The following LIN7A variants were observed in gnomAD, a reference collection of about 807,000 sequenced individuals.
LIN7A encodes protein lin-7 homolog A.
Under a neutral mutation model 29.8 loss-of-function variants are expected in LIN7A, and 25 were observed. The ratio of observed to expected loss-of-function variants is 0.84; its 90% CI spans 0.61 to 1.17. The LOEUF (loss-of-function observed/expected upper bound fraction) is 1.17. Among genes scored for constraint, LIN7A ranks in the 50% most tolerant of loss-of-function variants. The pLI, the probability that LIN7A is intolerant of heterozygous loss-of-function variation, is 0.00. For synonymous variants in LIN7A, 118 were observed against 107.5 expected (o/e 1.10, Z -0.60); for missense variants, 239 against 287.0 (o/e 0.83, Z 1.21).
intron 1 of LIN7A, among the ~76,000 whole-genome samples, chr12:80,911,347 C>T (rs1020678825): frequency 1.4e-5 from 2 of 144,694 alleles, no homozygotes; most frequent in Non-Finnish European, 3.0e-5. Flanking sequence ...AGCTCCTAGG[C>T]TAAAGAGATC....
Position 80,882,287 on chromosome 12 carries a change from C to CTTTTTTTTTTTTT in LIN7A, c.201+6951_201+6963dup, listed in dbSNP as rs56000415. On this transcript the variant is annotated intron_variant, in intron 2 of 5. Coordinates refer to ENST00000552864, the MANE Select transcript of LIN7A (RefSeq NM_004664.4). Reference sequence around the variant, plus strand: ...ACAGTACTATCATTTTTCTTTCATTCTTTTTTTTTTTTTTTGAGACGGAGT... The same window carrying CTTTTTTTTTTTTT: ...ACAGTACTATCATTTTTCTTTCATTCTTTTTTTTTTTTTTTTTTTTTTTTTTTTGAGACGGAGT... Among the ~76,000 whole-genome samples, 6 of 87,700 alleles carry CTTTTTTTTTTTTT rather than the reference C, an allele frequency of 6.8e-5. 1 individual carries two copies. Among genetic ancestry groups the CTTTTTTTTTTTTT allele is most frequent in the South Asian group, 3.6e-4 (1 of 2,776 alleles). 57.5% of individuals were successfully genotyped at this position (87,700 alleles called of 152,430 possible).
At chr12:80,912,719 AAAAAAAAAAAG>A (rs1360469089) in intron 1 of LIN7A, among the ~76,000 whole-genome samples, 2 of 32,932 alleles carry the variant, frequency 6.1e-5, no homozygotes, top group Non-Finnish European at 5.6e-4. Context: ...GTCTCAAAAA[AAAAAAAAAAAG>A]AAAAGAAAAG....
At chr12:80,821,957 C>T (rs984581539) in intron 4 of LIN7A, among the ~76,000 whole-genome samples, 1 of 152,196 alleles carries the variant, frequency 6.6e-6, no homozygotes, top group Non-Finnish European at 1.5e-5. Context: ...TGTGTGCACT[C>T]AGGGGAGCAC....
At chr12:80,812,044 A>T (rs978040222) in intron 4 of LIN7A, among the ~76,000 whole-genome samples, 1 of 152,150 alleles carries the variant, frequency 6.6e-6, no homozygotes. Context: ...CAAAGAGAAA[A>T]TTTCTGTATC....
chr12:80,887,915 G>A (rs1247860663), intron 2 of LIN7A, among the ~76,000 whole-genome samples: 2 of 152,052 alleles, frequency 1.3e-5, no homozygotes, highest in Non-Finnish European at 2.9e-5. Context: ...CAAATTTCGG[G>A]GGAATGGCAC....
rs753271899 is a variant in LIN7A at position 80,793,294 on chromosome 12, A to G, written c.*4433T>C. ...CACAGTGGCTAGAAAATAGAGCTGC[A>G]TAAATGTTAGTTATGAATAAATTAC... On this transcript the variant is annotated 3_prime_UTR_variant, in exon 6 of 6. Transcript: ENST00000552864. 2.6e-5 allele frequency: 4 copies of G among 152,252 alleles called. No homozygotes were observed. The highest frequency in any genetic ancestry group is 5.9e-5 in the Non-Finnish European group (4 of 68,034). The allele number at this position is 152,252 out of a possible 1,614,324, so 9.4% of individuals were successfully genotyped here.
intron 1 of LIN7A, among the ~76,000 whole-genome samples, chr12:80,927,922 T>C (rs1485298778): frequency 6.6e-6 from 1 of 152,166 alleles, no homozygotes; most frequent in African/African-American, 2.4e-5. Context: ...GTGTTCTCAT[T>C]GTTCAATTCC....
At chr12:80,847,422 G>A (rs1448522663) in intron 3 of LIN7A, among the ~76,000 whole-genome samples, 2 of 135,294 alleles carry the variant, frequency 1.5e-5, no homozygotes, top group Non-Finnish European at 3.1e-5. Context: ...CAGTTACAGA[G>A]TAAAAACTAA....
At chr12:80,862,921 T>C (rs1372780918) in intron 2 of LIN7A, among the ~76,000 whole-genome samples, 3 of 152,192 alleles carry the variant, frequency 2.0e-5, no homozygotes, top group Non-Finnish European at 4.4e-5. Flanking sequence ...ACTAACACCA[T>C]CCTGACTCAC....
chr12:80,910,691 T>C (rs1452815196), intron 1 of LIN7A, among the ~76,000 whole-genome samples: 2 of 152,220 alleles, frequency 1.3e-5, no homozygotes, highest in African/African-American at 2.4e-5. Context: ...TGTTAAACCA[T>C]ACTTATCTTC....
At chr12:80,886,769 C>T (rs543723886) in intron 2 of LIN7A, among the ~76,000 whole-genome samples, 1 of 152,062 alleles carries the variant, frequency 6.6e-6, no homozygotes, top group Non-Finnish European at 1.5e-5. Context: ...GACACACATA[C>T]CCACTTTACC....
intron 2 of LIN7A, among the ~76,000 whole-genome samples, chr12:80,864,519 C>A (rs1419925432): frequency 6.6e-6 from 1 of 152,068 alleles, no homozygotes; most frequent in Admixed American, 6.6e-5. Context: ...AAAATCCCTG[C>A]AAAGAGGAAC....
At chr12:80,801,089 T>C (rs1870698346) in intron 5 of LIN7A, among the ~76,000 whole-genome samples, 1 of 151,598 alleles carries the variant, frequency 6.6e-6, no homozygotes, top group Non-Finnish European at 1.5e-5. Context: ...TAAACATACA[T>C]ATAAACATAC....
At chr12:80,934,789 C>G (rs528968238) in intron 1 of LIN7A, among the ~76,000 whole-genome samples, 1 of 152,298 alleles carries the variant, frequency 6.6e-6, no homozygotes, top group African/African-American at 2.4e-5. Context: ...AAAGAACTAG[C>G]AGCTCTAAAA....
At chr12:80,922,511 T>G (rs1389453832) in intron 1 of LIN7A, among the ~76,000 whole-genome samples, 1 of 152,336 alleles carries the variant, frequency 6.6e-6, no homozygotes, top group South Asian at 2.1e-4. Flanking sequence ...TACAGGCCAC[T>G]GAAAGGTAAC....
chr12:80,816,830 A>G (rs1023760128), intron 4 of LIN7A, among the ~76,000 whole-genome samples: 1 of 152,190 alleles, frequency 6.6e-6, no homozygotes, highest in South Asian at 2.1e-4. Context: ...GTGCAATGGC[A>G]CGATCTTGGC....
At chr12:80,867,812 A>C (rs1874219358) in intron 2 of LIN7A, among the ~76,000 whole-genome samples, 1 of 152,190 alleles carries the variant, frequency 6.6e-6, no homozygotes, top group South Asian at 2.1e-4. Context: ...GTAAGAGCCC[A>C]ATATCACTAA....
intron 5 of LIN7A, among the ~76,000 whole-genome samples, chr12:80,798,685 T>TC (rs1870572823): frequency 6.6e-6 from 1 of 152,212 alleles, no homozygotes; most frequent in African/African-American, 2.4e-5. Flanking sequence ...CATTTTTTTT[T>TC]CATATTTAAT....
intron 4 of LIN7A, among the ~76,000 whole-genome samples, chr12:80,829,164 G>A (rs1872224406): frequency 6.6e-6 from 1 of 152,076 alleles, no homozygotes; most frequent in South Asian, 2.1e-4. Flanking sequence ...GGCAAAATAA[G>A]TCCCCCAAAA....
Sources: allele counts gnomAD v4.1 joint callset (sites outside exome capture counted in the v4.1 genomes callset), GRCh38; gene constraint gnomAD v4.1.1; transcripts MANE v1.5; gene names NCBI Gene and HGNC (gene_info 2026-07-23, HGNC 2026-07-21).